RRAS2: variants seen among roughly 807,000 people sequenced by gnomAD.
RRAS2 encodes the protein RAS related 2, also known as ras-related protein R-Ras2.
In RRAS2, 7 loss-of-function variants were observed where a neutral mutation model predicts 27.6. The ratio of observed to expected loss-of-function variants is 0.25; its 90% CI spans 0.14 to 0.48. The LOEUF is 0.48. RRAS2 is among the 20% of genes least tolerant of loss of function. The pLI, the probability that RRAS2 is intolerant of heterozygous loss-of-function variation, is 0.99. For synonymous variants in RRAS2, 86 were observed against 90.9 expected (o/e 0.95, Z 0.31); for missense variants, 178 against 256.2 (o/e 0.69, Z 2.08).
At chr11:14,303,494 T>C (rs1408574085) in intron 1 of RRAS2, among the ~76,000 whole-genome samples, 1 of 152,114 alleles carries the variant, frequency 6.6e-6, no homozygotes, top group African/African-American at 2.4e-5. Flanking sequence ...CCCAGCCCTT[T>C]GGGAGGCAGA....
chr11:14,285,379 T>C (rs1849633951), intron 4 of RRAS2, among the ~76,000 whole-genome samples: 1 of 152,144 alleles, frequency 6.6e-6, no homozygotes, highest in South Asian at 2.1e-4. Flanking sequence ...TGAGAACCCG[T>C]CTCTCAAGAA....
intron 1 of RRAS2, among the ~76,000 whole-genome samples, chr11:14,319,460 G>A (rs868983418): frequency 5.6e-5 from 8 of 141,704 alleles, no homozygotes; most frequent in African/African-American, 1.0e-4. Flanking sequence ...CCGGGTTCAC[G>A]CCATTCTCCT....
At chr11:14,309,866 G>A (rs927678879) in intron 1 of RRAS2, among the ~76,000 whole-genome samples, 6 of 152,208 alleles carry the variant, frequency 3.9e-5, no homozygotes, top group Admixed American at 6.5e-5. Context: ...AACCACTAGA[G>A]GGTCTGAGGC....
intron 1 of RRAS2, among the ~76,000 whole-genome samples, chr11:14,349,139 G>A (rs1027096334): frequency 7.4e-6 from 1 of 136,024 alleles, no homozygotes; most frequent in African/African-American, 2.8e-5. Context: ...CTAATTTTTT[G>A]TATTCATTTT....
At chr11:14,361,612 G>A (rs1371330483), upstream of RRAS2, among the ~76,000 whole-genome samples, 1 of 152,222 alleles carries the variant, frequency 6.6e-6, no homozygotes, top group East Asian at 1.9e-4. Context: ...ACAAAGATGT[G>A]AAGAAACTGG....
chr11:14,353,904 G>A (rs1210008920), intron 1 of RRAS2, among the ~76,000 whole-genome samples: 6 of 152,106 alleles, frequency 3.9e-5, no homozygotes, highest in African/African-American at 1.4e-4. Flanking sequence ...GGGGGCAGGT[G>A]TCTTATTTCT....
At chr11:14,320,076 A>C (rs1470374040) in intron 1 of RRAS2, among the ~76,000 whole-genome samples, 5 of 152,202 alleles carry the variant, frequency 3.3e-5, no homozygotes, top group South Asian at 4.1e-4. Flanking sequence ...TGCAAAACTC[A>C]ATTTGTTTAT....
chr11:14,294,434 A>C (rs781968551), intron 4 of RRAS2, 37 bp downstream of exon 4: 1 of 1,350,494 alleles, frequency 7.4e-7, no homozygotes, highest in South Asian at 1.3e-5. Flanking sequence ...ACATGATTAT[A>C]AACAATTGGT....
At chr11:14,282,915 T>C (rs1554944538) in intron 4 of RRAS2, among the ~76,000 whole-genome samples, 1 of 152,218 alleles carries the variant, frequency 6.6e-6, no homozygotes, top group African/African-American at 2.4e-5. Flanking sequence ...ATATCTTTTA[T>C]CTCCTTTTCC....
At chr11:14,326,180 A>T (rs1012462447) in intron 1 of RRAS2, among the ~76,000 whole-genome samples, 15 of 152,222 alleles carry the variant, frequency 9.9e-5, no homozygotes, top group African/African-American at 2.7e-4. Context: ...CTTCCACAGA[A>T]TATGTGCAAA....
At chr11:14,307,444 T>G (rs1436581897) in intron 1 of RRAS2, among the ~76,000 whole-genome samples, 1 of 152,038 alleles carries the variant, frequency 6.6e-6, no homozygotes, top group Non-Finnish European at 1.5e-5. Context: ...TGGAGAGCAG[T>G]GGTGCAATCT....
chr11:14,308,057 T>C, intron 1 of RRAS2: 2 of 280,262 alleles, frequency 7.1e-6, no homozygotes, highest in South Asian at 6.4e-5. Context: ...GTTCATTCAA[T>C]ATGAATATAA....
At chr11:14,307,227 C>A (rs570043832) in intron 1 of RRAS2, among the ~76,000 whole-genome samples, 182 of 124,408 alleles carry the variant, frequency 1.5e-3, no homozygotes, top group African/African-American at 5.1e-3. Context: ...AAACAAAAAA[C>A]AACAACAACA....
intron 1 of RRAS2, among the ~76,000 whole-genome samples, chr11:14,333,929 C>T (rs1848537710): frequency 6.6e-6 from 1 of 152,192 alleles, no homozygotes; most frequent in Admixed American, 6.5e-5. Flanking sequence ...CTCACACAGC[C>T]CCGCCCTTAC....
chr11:14,358,389 G>A lies in RRAS2; in HGVS notation c.108+374C>T, dbSNP rs1849127915. The A allele has an allele frequency of 2.0e-6, 2 of 985,328 alleles. No homozygotes were observed. Among genetic ancestry groups the A allele is most frequent in the Non-Finnish European group, 2.4e-6 (2 of 830,064 alleles). The allele number at this position is 985,328 out of a possible 1,614,324, so 61.0% of individuals were successfully genotyped here. A position where few individuals can be genotyped will look rare whatever the true frequency, so the allele number is the denominator to read the frequency against. ...GGCGGCTGGAAAAGCAGCGCGCGGG[G>A]CTCCAGCTCCAGCCCCACGCCCGGA... is the stretch of plus-strand genomic sequence containing the variant. On this transcript the variant is annotated intron_variant, in intron 1 of 5. Coordinates refer to ENST00000256196, the MANE Select transcript of RRAS2 (RefSeq NM_012250.6). The surrounding 1 kb of genome is among the most constrained non-coding windows in gnomAD (Gnocchi z 5.1).
rs1849143653 is a variant in RRAS2 at position 14,358,954 on chromosome 11, G to A, written c.-84C>T. ...CCCGGCTCCGGGGACGTGTGCGGCC[G>A]GCGGGCTGCGGGCGAGCGGCCGGGC... is the stretch of plus-strand genomic sequence containing the variant. On this transcript the variant is annotated 5_prime_UTR_variant, in exon 1 of 6. Coordinates refer to ENST00000256196, the MANE Select transcript of RRAS2 (RefSeq NM_012250.6). The surrounding 1 kb of genome is among the most constrained non-coding windows in gnomAD (Gnocchi z 5.1). 3.4e-6 allele frequency: 4 copies of A among 1,168,088 alleles called. No individual in the cohort carries two copies. The highest frequency in any genetic ancestry group is 4.2e-6 in the Non-Finnish European group (4 of 948,034). 72.4% of individuals were successfully genotyped at this position (1,168,088 alleles called of 1,614,324 possible). A position where few individuals can be genotyped will look rare whatever the true frequency, so the allele number is the denominator to read the frequency against.
At chr11:14,320,764 A>G (rs1351143302) in intron 1 of RRAS2, among the ~76,000 whole-genome samples, 1 of 152,238 alleles carries the variant, frequency 6.6e-6, no homozygotes, top group African/African-American at 2.4e-5. Context: ...AAAGAACTTA[A>G]GTCAAAATTC....
At chr11:14,296,122 A>G (rs959233653) in intron 1 of RRAS2, among the ~76,000 whole-genome samples, 6 of 152,032 alleles carry the variant, frequency 3.9e-5, no homozygotes, top group African/African-American at 9.7e-5. Flanking sequence ...TGGGGCTGCA[A>G]TGAACCATGA....
In RRAS2 at chr11:14,293,552, C is replaced by T. The variant is rs1185163262; in HGVS notation, c.408+919G>A. Among the ~76,000 whole-genome samples the T allele has an allele frequency of 3.9e-5, 6 of 151,942 alleles. 1 individual carries two copies. In the Middle Eastern group the frequency reaches 0.01, roughly 258 times the overall value. ...ACCAGGTGGACATAATTGAATCATCCGCGGTTTCCCCCATCCTGTTCTCGG... is the reference window on the plus strand; with the variant it reads ...ACCAGGTGGACATAATTGAATCATCTGCGGTTTCCCCCATCCTGTTCTCGG... On this transcript the variant is annotated intron_variant, in intron 4 of 5. Coordinates refer to ENST00000256196, the MANE Select transcript of RRAS2 (RefSeq NM_012250.6).
Sources: allele counts gnomAD v4.1 joint callset (sites outside exome capture counted in the v4.1 genomes callset), GRCh38; gene constraint gnomAD v4.1.1; non-coding constraint Gnocchi (gnomAD v3.1); transcripts MANE v1.5; gene names NCBI Gene and HGNC (gene_info 2026-07-23, HGNC 2026-07-21).